The following PDE8B variants were observed in gnomAD, a reference collection of about 807,000 sequenced individuals.
PDE8B encodes high affinity cAMP-specific and IBMX-insensitive 3',5'-cyclic phosphodiesterase 8B.
A neutral mutation model predicts 101.3 loss-of-function variants in PDE8B; 26 were observed. That is an observed-to-expected ratio of 0.26 (90% CI 0.19 to 0.36). The LOEUF is 0.36. Ranked by LOEUF, PDE8B falls within the 10% of genes least tolerant of loss-of-function variation. The pLI is 1.00. For synonymous variants in PDE8B, 424 were observed against 429.3 expected, an observed-to-expected ratio of 0.99 and a Z score of 0.15; for missense variants, 810 against 1,163.1, an observed-to-expected ratio of 0.70 and a Z score of 4.42.
chr5:77,331,537 C>A, intron 5 of PDE8B, 78 bp downstream of exon 5: 3 of 1,111,052 alleles, frequency 2.7e-6, no homozygotes, highest in Non-Finnish European at 4.1e-6. Context: ...GGAAGCAAAG[C>A]TGCCACGGAG....
chr5:77,376,003 C>T (rs1193275648), intron 10 of PDE8B, among the ~76,000 whole-genome samples: 4 of 149,414 alleles, frequency 2.7e-5, no homozygotes, highest in African/African-American at 9.9e-5. Flanking sequence ...AGCGATTCTC[C>T]TGCCTCCACC....
chr5:77,241,485 A>T (rs1755757113), intron 1 of PDE8B, among the ~76,000 whole-genome samples: 1 of 152,244 alleles, frequency 6.6e-6, no homozygotes. Context: ...ATATTTATTG[A>T]GCACCACATG....
intron 7 of PDE8B, among the ~76,000 whole-genome samples, chr5:77,345,507 T>C (rs1395168040): frequency 6.6e-6 from 1 of 152,186 alleles, no homozygotes; most frequent in Non-Finnish European, 1.5e-5. Flanking sequence ...ACTATTGACA[T>C]AGAAGTAAGT....
At chr5:77,185,591 A>G in the PDE8B span, among the ~76,000 whole-genome samples, 2 of 152,152 alleles carry the variant, frequency 1.3e-5, no homozygotes, top group African/African-American at 2.4e-5. Context: ...AATTCAGCCC[A>G]TAACACATTG....
At chr5:77,393,597 T>C (rs1790410431) in intron 10 of PDE8B, among the ~76,000 whole-genome samples, 1 of 152,214 alleles carries the variant, frequency 6.6e-6, no homozygotes, top group Admixed American at 6.5e-5. Context: ...TCACTATACT[T>C]GGCCTAATTA....
the PDE8B span, among the ~76,000 whole-genome samples, chr5:77,195,754 G>A: frequency 1.6e-4 from 24 of 152,114 alleles, no homozygotes; most frequent in African/African-American, 5.1e-4. Context: ...AAAAGAAGAT[G>A]TTATTAAGAA....
the PDE8B span, among the ~76,000 whole-genome samples, chr5:77,198,916 G>T: frequency 6.6e-6 from 1 of 152,014 alleles, no homozygotes; most frequent in African/African-American, 2.4e-5. Flanking sequence ...ATACTGCATT[G>T]TTTCTGGTTT....
At chr5:77,186,682 C>T in the PDE8B span, among the ~76,000 whole-genome samples, 1 of 152,076 alleles carries the variant, frequency 6.6e-6, no homozygotes, top group Non-Finnish European at 1.5e-5. Flanking sequence ...ATGAGTTGCC[C>T]AGTGGCCTTG....
At chr5:77,118,663 C>CT in the PDE8B span, 2 of 350,122 alleles carry the variant, frequency 5.7e-6, no homozygotes, top group African/African-American at 4.2e-5. Context: ...ACATAAGTTT[C>CT]TTTTTCATGG....
the PDE8B span, among the ~76,000 whole-genome samples, chr5:77,189,060 G>A: frequency 6.6e-6 from 1 of 152,124 alleles, no homozygotes; most frequent in Non-Finnish European, 1.5e-5. Flanking sequence ...TGCCCAGTCT[G>A]CAGGGTTTTT....
the PDE8B span, among the ~76,000 whole-genome samples, chr5:77,187,054 A>G: frequency 6.6e-6 from 1 of 152,234 alleles, no homozygotes; most frequent in African/African-American, 2.4e-5. Context: ...TTGTCTATGA[A>G]TATGTACACA....
the PDE8B span, among the ~76,000 whole-genome samples, chr5:77,101,612 T>C: frequency 5.1e-4 from 78 of 152,198 alleles, no homozygotes; most frequent in African/African-American, 1.8e-3. Context: ...GTATCGTGCA[T>C]CTGACACGTT....
chr5:77,246,129 G>A (rs1295419057), intron 1 of PDE8B, among the ~76,000 whole-genome samples: 1 of 152,054 alleles, frequency 6.6e-6, no homozygotes, highest in Non-Finnish European at 1.5e-5. Flanking sequence ...TGGGACTACA[G>A]GCATGAGCCA....
rs368084967 is a variant in PDE8B at position 77,408,297 on chromosome 5, G to A, written c.1366-596G>A. On this transcript the variant is annotated intron_variant, in intron 13 of 21. Transcript: ENST00000264917. ...TGGTGTGAGCATGAAGTGCTTTCTT[G>A]ATAGAAAATGACATGAGATAGAAGT... Among the ~76,000 whole-genome samples the A allele has an allele frequency of 5.3e-5, 8 of 152,328 alleles. No homozygotes were observed. In the East Asian group the frequency reaches 1.3e-3, roughly 26 times the overall value.
chr5:77,303,561 T>C (rs1372447371), intron 1 of PDE8B, among the ~76,000 whole-genome samples: 4 of 136,240 alleles, frequency 2.9e-5, no homozygotes, highest in Non-Finnish European at 6.2e-5. Flanking sequence ...AGAGCAAGAC[T>C]CCATCTCAAA....
intron 10 of PDE8B, among the ~76,000 whole-genome samples, chr5:77,378,049 C>CAAT (rs1554093056): frequency 3.4e-5 from 5 of 148,370 alleles, no homozygotes; most frequent in South Asian, 2.2e-4. Flanking sequence ...CACACACACA[C>CAAT]CCCCTGTTGG....
chr5:77,319,848 A>G (rs1409153554), intron 2 of PDE8B, among the ~76,000 whole-genome samples: 1 of 152,248 alleles, frequency 6.6e-6, no homozygotes, highest in Non-Finnish European at 1.5e-5. Flanking sequence ...GGCATAGGAA[A>G]GATGCTCACT....
chr5:77,425,799 G>T lies in PDE8B; in HGVS notation c.2451G>T (p.Val817=). Residue 817 remains valine, a synonymous_variant, in exon 21 of 22, where the codon GTG becomes GTT. Transcript: ENST00000264917. ...AAGAGAAGAGACAGGGACTACCTGT[G>T]GTGATGCCAGTGTTTGACCGGAATA... ...TDEEKRQGLP[V]VMPVFDRNTC... is the part of the protein sequence containing the mutation. 2 of 1,612,754 alleles carry T rather than the reference G, an allele frequency of 1.2e-6. No individual in the cohort carries two copies. Among genetic ancestry groups the T allele is most frequent in the South Asian group, 2.2e-5 (2 of 91,050 alleles).
chr5:77,124,444 C>T, the PDE8B span, among the ~76,000 whole-genome samples: 1 of 151,836 alleles, frequency 6.6e-6, no homozygotes, highest in Non-Finnish European at 1.5e-5. Context: ...AAAAATTATT[C>T]ATGTGTGGTG....
Sources: gnomAD v4.1 joint callset for allele counts (sites outside exome capture counted in the v4.1 genomes callset) on GRCh38, gnomAD v4.1.1 for gene constraint, MANE v1.5 for transcripts, NCBI Gene and HGNC (gene_info 2026-07-23, HGNC 2026-07-21) for gene names.